The following MEGF9 variants were observed in gnomAD, a reference collection of about 807,000 sequenced individuals.
The protein encoded by MEGF9 is multiple epidermal growth factor-like domains protein 9.
MEGF9 carries 6 observed loss-of-function variants against 46.8 expected under a neutral mutation model. The observed-to-expected ratio is 0.13, with a 90% CI of 0.07 to 0.25. The LOEUF is 0.25. MEGF9 is among the 10% of genes least tolerant of loss of function. The pLI is 1.00. For missense variants in MEGF9, 683 were observed against 792.4 expected (o/e 0.86, Z 1.66); for synonymous variants, 302 against 330.7 (o/e 0.91, Z 0.94).
chr9:120,675,887 C>CAA (rs1173047863), intron 1 of MEGF9, among the ~76,000 whole-genome samples: 1,380 of 57,236 alleles, frequency 0.024, 89 homozygotes, highest in East Asian at 0.04. Context: ...GACTCCATCT[C>CAA]AAAAAAAAAA....
At position 120,714,059 on chromosome 9, in the gene MEGF9, C is replaced by A; in HGVS notation, c.300G>T (p.Pro100=). ...PLAATSPAQS[P]ETTPLWATAG... Reference sequence around the variant, plus strand: ...CAGTCGCCCAAAGAGGGGTGGTCTCCGGGGACTGGGCTGGAGAAGTCGCAG... The same window carrying A: ...CAGTCGCCCAAAGAGGGGTGGTCTCAGGGGACTGGGCTGGAGAAGTCGCAG... The change falls in exon 1 of 6, where the codon CCG becomes CCT. Residue 100 remains proline (P), a synonymous_variant. Transcript: ENST00000373930. The A allele has an allele frequency of 1.5e-6, 2 of 1,294,666 alleles. No homozygotes were observed. Among genetic ancestry groups the A allele is most frequent in the South Asian group, 2.6e-5 (1 of 38,508 alleles). The allele number at this position is 1,294,666 out of a possible 1,614,324, so 80.2% of individuals were successfully genotyped here.
Position 120,714,333 on chromosome 9 carries a change from A to T in MEGF9, c.26T>A (p.Met9Lys). ...GCCGCCCAGGCTCGGCAGGCTCCTCATGGCGCGCTCGGCTCCGCCATTCAT... is the reference window on the plus strand; with the variant it reads ...GCCGCCCAGGCTCGGCAGGCTCCTCTTGGCGCGCTCGGCTCCGCCATTCAT... MNGGAERA[M>K]RSLPSLGGLA... Residue 9 changes from methionine to lysine, a missense_variant, in exon 1 of 6, where the codon ATG becomes AAG. Coordinates refer to ENST00000373930, the MANE Select transcript of MEGF9 (RefSeq NM_001080497.3). The T allele has an allele frequency of 7.5e-7, 1 of 1,335,330 alleles. No homozygotes were observed. The highest frequency in any genetic ancestry group is 9.6e-7 in the Non-Finnish European group (1 of 1,041,084). 82.7% of individuals were successfully genotyped at this position (1,335,330 alleles called of 1,614,324 possible). A position where few individuals can be genotyped will look rare whatever the true frequency, so the allele number is the denominator to read the frequency against.
At chr9:120,633,730 T>C (rs1040751942) in intron 2 of MEGF9, among the ~76,000 whole-genome samples, 7 of 152,136 alleles carry the variant, frequency 4.6e-5, no homozygotes, top group Admixed American at 1.3e-4. Context: ...CAAGTGTTTA[T>C]TGCTATAAAG....
chr9:120,610,740 T>C (rs1432806850), intron 4 of MEGF9, among the ~76,000 whole-genome samples: 1 of 152,120 alleles, frequency 6.6e-6, no homozygotes, highest in African/African-American at 2.4e-5. Context: ...AATTTCCTAC[T>C]GGGAGGTATA....
At chr9:120,679,953 A>AG (rs2043791046) in intron 1 of MEGF9, among the ~76,000 whole-genome samples, 9 of 150,698 alleles carry the variant, frequency 6.0e-5, no homozygotes, top group South Asian at 2.1e-4. Context: ...AAAAAAAAAA[A>AG]AGAGAGAGAC....
chr9:120,612,085 A>C (rs1317153674), intron 4 of MEGF9, among the ~76,000 whole-genome samples: 1 of 152,202 alleles, frequency 6.6e-6, no homozygotes, highest in Admixed American at 6.5e-5. Context: ...ATTAGATTGC[A>C]ATTAGTCAAC....
chr9:120,617,023 GA>G (rs1431805078), intron 3 of MEGF9, among the ~76,000 whole-genome samples: 1 of 152,064 alleles, frequency 6.6e-6, no homozygotes, highest in East Asian at 1.9e-4. Flanking sequence ...AAAATAAGCT[GA>G]AGTTTAACAT....
intron 2 of MEGF9, among the ~76,000 whole-genome samples, chr9:120,645,127 C>G (rs2043619970): frequency 6.6e-6 from 1 of 152,124 alleles, no homozygotes; most frequent in Non-Finnish European, 1.5e-5. Flanking sequence ...TAACAAGACT[C>G]TTTATATTTT....
chr9:120,713,964 C>A lies in MEGF9; in HGVS notation c.395G>T (p.Arg132Leu). The A allele has an allele frequency of 7.2e-7, 1 of 1,380,036 alleles. No individual in the cohort carries two copies. The highest frequency in any genetic ancestry group is 9.4e-7 in the Non-Finnish European group (1 of 1,062,792). The allele number at this position is 1,380,036 out of a possible 1,614,324, so 85.5% of individuals were successfully genotyped here. Residue 132 changes from arginine to leucine, a missense_variant, in exon 1 of 6, where the codon CGC (arginine) becomes CTC (leucine). Coordinates refer to ENST00000373930, the MANE Select transcript of MEGF9 (RefSeq NM_001080497.3). ...PSPTTPPAAERTSTTSQAPTR... is the reference protein window; with the variant it reads ...PSPTTPPAAELTSTTSQAPTR... ...CGGCGCCTGAGAGGTGGTCGAAGTG[C>A]GTTCCGCCGCCGGAGGGGTGGTCGG...
At chr9:120,655,292 T>C (rs940915986) in intron 2 of MEGF9, among the ~76,000 whole-genome samples, 2 of 152,220 alleles carry the variant, frequency 1.3e-5, no homozygotes, top group Non-Finnish European at 2.9e-5. Flanking sequence ...GCTGTATCTT[T>C]TCTATGTTTA....
chr9:120,676,811 G>T (rs933583153), intron 1 of MEGF9, among the ~76,000 whole-genome samples: 1 of 152,122 alleles, frequency 6.6e-6, no homozygotes, highest in African/African-American at 2.4e-5. Context: ...CTCGGACTTT[G>T]TTGCACATTT....
intron 1 of MEGF9, among the ~76,000 whole-genome samples, chr9:120,700,023 T>C (rs1588000202): frequency 6.6e-6 from 1 of 152,212 alleles, no homozygotes; most frequent in Non-Finnish European, 1.5e-5. Flanking sequence ...ATCAAAGCTA[T>C]CTTGGTCACA....
intron 1 of MEGF9, among the ~76,000 whole-genome samples, chr9:120,661,323 G>A (rs1269604643): frequency 1.3e-5 from 2 of 152,174 alleles, no homozygotes; most frequent in African/African-American, 4.8e-5. Context: ...AGACCAGCCT[G>A]GGCAACATAG....
At chr9:120,701,443 G>A (rs1346215657) in intron 1 of MEGF9, among the ~76,000 whole-genome samples, 3 of 152,120 alleles carry the variant, frequency 2.0e-5, no homozygotes, top group East Asian at 1.9e-4. Flanking sequence ...CCTATGACTA[G>A]GCAGAATGTA....
intron 1 of MEGF9, among the ~76,000 whole-genome samples, chr9:120,664,714 A>T (rs2043717447): frequency 6.6e-6 from 1 of 152,218 alleles, no homozygotes; most frequent in African/African-American, 2.4e-5. Flanking sequence ...AGCATAGATT[A>T]CTAGAAGACT....
chr9:120,675,887 CAAAAAAAAAAAAA>C (rs1173047863), intron 1 of MEGF9, among the ~76,000 whole-genome samples: 1 of 58,170 alleles, frequency 1.7e-5, no homozygotes, highest in African/African-American at 7.2e-5. Flanking sequence ...GACTCCATCT[CAAAAAAAAAAAAA>C]AAAAAAAAAA....
At chr9:120,695,597 C>T (rs113454809) in intron 1 of MEGF9, among the ~76,000 whole-genome samples, 1 of 110,310 alleles carries the variant, frequency 9.1e-6, no homozygotes, top group African/African-American at 4.3e-5. Context: ...GTGTGAGACC[C>T]CATCTCAAAA....
chr9:120,652,590 G>GCACACA (rs141794570), intron 2 of MEGF9, among the ~76,000 whole-genome samples: 108 of 134,210 alleles, frequency 8.0e-4, no homozygotes, highest in Middle Eastern at 4.5e-3. Flanking sequence ...GTGGACACAG[G>GCACACA]CACACACACA....
chr9:120,704,697 T>G (rs1164124376), intron 1 of MEGF9, among the ~76,000 whole-genome samples: 1 of 152,172 alleles, frequency 6.6e-6, no homozygotes, highest in Non-Finnish European at 1.5e-5. Context: ...TCATATAATA[T>G]GCAGAAATCA....
Sources: gnomAD v4.1 joint callset for allele counts (sites outside exome capture counted in the v4.1 genomes callset) on GRCh38, gnomAD v4.1.1 for gene constraint, MANE v1.5 for transcripts, NCBI Gene and HGNC (gene_info 2026-07-23, HGNC 2026-07-21) for gene names.